The following PHLPP1 variants were observed in gnomAD, a reference collection of about 807,000 sequenced individuals.
PHLPP1 encodes PH domain and leucine rich repeat protein phosphatase 1, also known as PH domain leucine-rich repeat-containing protein phosphatase 1.
In PHLPP1, 42 loss-of-function variants were observed where a neutral mutation model predicts 117.2. The ratio of observed to expected loss-of-function variants is 0.36; its 90% CI spans 0.28 to 0.46. The LOEUF (loss-of-function observed/expected upper bound fraction) is 0.46. Ranked by LOEUF, PHLPP1 falls within the 20% of genes least tolerant of loss-of-function variation. PHLPP1 has a pLI of 1.00. For missense variants in PHLPP1, 2,084 were observed against 2,241.9 expected, an observed-to-expected ratio of 0.93 and a Z score of 1.42; for synonymous variants, 1,042 against 970.7, an observed-to-expected ratio of 1.07 and a Z score of -1.37.
At chr18:62,890,817 A>G (rs1599104897) in intron 4 of PHLPP1, among the ~76,000 whole-genome samples, 1 of 152,162 alleles carries the variant, frequency 6.6e-6, no homozygotes, top group African/African-American at 2.4e-5. Flanking sequence ...TATGTTGGAT[A>G]ATGTCTAGTG....
At chr18:62,846,778 G>C (rs1034154156) in intron 3 of PHLPP1, among the ~76,000 whole-genome samples, 3 of 152,164 alleles carry the variant, frequency 2.0e-5, no homozygotes, top group African/African-American at 7.2e-5. Context: ...TTAGGGAGAA[G>C]GTAACATTTT....
intron 4 of PHLPP1, among the ~76,000 whole-genome samples, chr18:62,886,432 C>A (rs1006459969): frequency 6.6e-6 from 1 of 152,122 alleles, no homozygotes; most frequent in Non-Finnish European, 1.5e-5. Context: ...CACCACCACA[C>A]CCAACTAATT....
intron 4 of PHLPP1, among the ~76,000 whole-genome samples, chr18:62,875,853 C>T (rs1042158636): frequency 6.6e-6 from 1 of 152,046 alleles, no homozygotes; most frequent in Non-Finnish European, 1.5e-5. Context: ...CTGCCTCAGC[C>T]TCCTGAGTAG....
Position 62,717,249 on chromosome 18 carries a change from C to T in PHLPP1, c.1566C>T (p.Arg522=). The change falls in exon 1 of 17, where the codon CGC becomes CGT. Residue 522 remains arginine, a synonymous_variant. Coordinates refer to ENST00000262719, the MANE Select transcript of PHLPP1 (RefSeq NM_194449.4). ...ACTCGGAGATTGGCTGCCTCATCCG[C>T]TTCTATGCAGGTAAGGAAGTCACCT... The part of the protein sequence containing the change: ...GMDSEIGCLI[R]FYAGKPHSTG... 6.3e-7 allele frequency: 1 copy of T among 1,587,430 alleles called. No homozygotes were observed. Among genetic ancestry groups the T allele is most frequent in the Non-Finnish European group, 8.6e-7 (1 of 1,164,230 alleles).
intron 1 of PHLPP1, among the ~76,000 whole-genome samples, chr18:62,795,511 A>AC (rs1211497999): frequency 4.0e-5 from 6 of 151,258 alleles, no homozygotes; most frequent in African/African-American, 9.7e-5. Context: ...AAAAAAAAAA[A>AC]AACAACAACA....
chr18:62,791,639 T>G (rs1331296887), intron 1 of PHLPP1, among the ~76,000 whole-genome samples: 1 of 152,214 alleles, frequency 6.6e-6, no homozygotes, highest in Admixed American at 6.5e-5. Context: ...ACTCTAAATT[T>G]ATTAGCTGAG....
intron 4 of PHLPP1, among the ~76,000 whole-genome samples, chr18:62,867,649 G>A (rs562134734): frequency 1.3e-5 from 2 of 152,284 alleles, no homozygotes; most frequent in African/African-American, 4.8e-5. Flanking sequence ...GCCAGGGTAT[G>A]TGCTTGTTCT....
At chr18:62,802,895 A>C (rs1913827063) in intron 1 of PHLPP1, among the ~76,000 whole-genome samples, 1 of 152,100 alleles carries the variant, frequency 6.6e-6, no homozygotes, top group Non-Finnish European at 1.5e-5. Context: ...GAGTTCAGAG[A>C]AGTTGTTTCA....
intron 10 of PHLPP1, among the ~76,000 whole-genome samples, chr18:62,935,630 G>A (rs141154802): frequency 8.7e-4 from 132 of 152,274 alleles, no homozygotes; most frequent in Admixed American, 2.9e-3. Context: ...AGCTAAACAT[G>A]TATGTTTTAG....
intron 14 of PHLPP1, among the ~76,000 whole-genome samples, chr18:62,970,135 TGTTTAGA>T (rs1463621578): frequency 6.6e-6 from 1 of 152,192 alleles, no homozygotes; most frequent in Admixed American, 6.5e-5. Flanking sequence ...ATGTGTGGCT[TGTTTAGA>T]GTTTATAGTG....
chr18:62,847,733 G>A (rs1055653975), intron 3 of PHLPP1, among the ~76,000 whole-genome samples: 7 of 152,082 alleles, frequency 4.6e-5, no homozygotes, highest in African/African-American at 1.7e-4. Context: ...AACAACAAAC[G>A]ACTCTTAGTT....
Position 62,895,174 on chromosome 18 carries a change from C to A in PHLPP1, c.2213+17C>A, listed in dbSNP as rs569202020. 3.1e-6 allele frequency: 5 copies of A among 1,609,272 alleles called. No homozygotes were observed. The South Asian group carries it at 5.5e-5, about 18-fold the overall frequency. The stretch of plus-strand genomic sequence containing the variant: ...GATGCACAAGTGTGTACTTCAAACC[C>A]CACTGGCGGGTATATCCAGAAGCCC... On this transcript the variant is annotated intron_variant, in intron 5 of 16. Coordinates refer to ENST00000262719, the MANE Select transcript of PHLPP1 (RefSeq NM_194449.4).
At chr18:62,766,434 G>C (rs974482692) in intron 1 of PHLPP1, among the ~76,000 whole-genome samples, 2 of 151,960 alleles carry the variant, frequency 1.3e-5, no homozygotes, top group African/African-American at 4.8e-5. Flanking sequence ...AAGGAACTGG[G>C]CCTGTCTAGT....
chr18:62,813,850 T>A (rs1186977171), intron 1 of PHLPP1, among the ~76,000 whole-genome samples: 1 of 152,220 alleles, frequency 6.6e-6, no homozygotes, highest in East Asian at 1.9e-4. Flanking sequence ...CCTGCACCAC[T>A]ACACAAACAT....
At chr18:62,747,276 CTT>C (rs564178033) in intron 1 of PHLPP1, among the ~76,000 whole-genome samples, 3 of 123,180 alleles carry the variant, frequency 2.4e-5, no homozygotes, top group Admixed American at 8.1e-5. Context: ...TCTTCATTTC[CTT>C]TTTTTTTTTT....
chr18:62,730,192 A>C (rs1302258567), intron 1 of PHLPP1, among the ~76,000 whole-genome samples: 1 of 152,220 alleles, frequency 6.6e-6, no homozygotes, highest in Non-Finnish European at 1.5e-5. Context: ...GCATTTGTGA[A>C]GCATAGACTT....
chr18:62,895,987 C>G lies in PHLPP1; in HGVS notation c.2420C>G (p.Pro807Arg). The change falls in exon 6 of 17, where the codon CCT becomes CGT. Residue 807 changes from proline (P) to arginine (R), a missense_variant. Coordinates refer to ENST00000262719, the MANE Select transcript of PHLPP1 (RefSeq NM_194449.4). ...AGGCTACAGGCTTTAAGAAAAATGC[C>G]TCACATTAAACATGTGGATCTAAGG... is the stretch of plus-strand genomic sequence containing the variant. ...TLRLQALRKM[P>R]HIKHVDLRLN... 1 of 1,611,136 alleles carries G rather than the reference C, an allele frequency of 6.2e-7. No individual in the cohort carries two copies. Among genetic ancestry groups the G allele is most frequent in the Non-Finnish European group, 8.5e-7 (1 of 1,177,394 alleles).
At chr18:62,904,123 C>CAA (rs1916790578) in intron 7 of PHLPP1, among the ~76,000 whole-genome samples, 1 of 152,198 alleles carries the variant, frequency 6.6e-6, no homozygotes, top group Admixed American at 6.5e-5. Flanking sequence ...AGCCAAGCCT[C>CAA]AAATAGGTAT....
intron 1 of PHLPP1, among the ~76,000 whole-genome samples, chr18:62,799,274 T>G (rs1456352360): frequency 2.0e-5 from 3 of 152,216 alleles, no homozygotes; most frequent in African/African-American, 7.2e-5. Flanking sequence ...TTTATATCAG[T>G]GAGCTTTCAC....
Sources: allele counts gnomAD v4.1 joint callset (sites outside exome capture counted in the v4.1 genomes callset), GRCh38; gene constraint gnomAD v4.1.1; transcripts MANE v1.5; gene names NCBI Gene and HGNC (gene_info 2026-07-23, HGNC 2026-07-21).